IL6R: variants seen among roughly 807,000 people sequenced by gnomAD.
The protein encoded by IL6R is interleukin 6 receptor.
Under a neutral mutation model 48.3 loss-of-function variants are expected in IL6R, and 38 were observed. The observed-to-expected ratio is 0.79, with a 90% CI of 0.61 to 1.03. The LOEUF (loss-of-function observed/expected upper bound fraction) is 1.03. IL6R is among the 50% of genes least tolerant of loss of function. The pLI is 0.00. For synonymous variants in IL6R, 264 were observed against 256.2 expected (o/e 1.03, Z -0.29); for missense variants, 534 against 618.3 (o/e 0.86, Z 1.45).
intron 1 of IL6R, among the ~76,000 whole-genome samples, chr1:154,423,334 A>G (rs1421489273): frequency 6.8e-6 from 1 of 146,396 alleles, no homozygotes; most frequent in Non-Finnish European, 1.5e-5. Flanking sequence ...TTCAAAAACT[A>G]CAGAAAGACA....
At chr1:154,427,025 TCTC>T (rs1394262173) in intron 1 of IL6R, among the ~76,000 whole-genome samples, 3 of 152,078 alleles carry the variant, frequency 2.0e-5, no homozygotes, top group Non-Finnish European at 4.4e-5. Flanking sequence ...TTCAAGCAAT[TCTC>T]CTGCCTCAGC....
At chr1:154,450,172 C>T (rs1202085175) in intron 8 of IL6R, among the ~76,000 whole-genome samples, 192 bp downstream of exon 8, 2 of 150,026 alleles carry the variant, frequency 1.3e-5, no homozygotes, top group African/African-American at 4.9e-5. Context: ...GTTGCCCAGG[C>T]TGGAGTGCCG....
chr1:154,417,822 C>T (rs555543338), intron 1 of IL6R, among the ~76,000 whole-genome samples: 43 of 149,020 alleles, frequency 2.9e-4, no homozygotes, highest in Non-Finnish European at 4.9e-4. Context: ...CTCACTGCAA[C>T]CTTCCGGTTT....
At chr1:154,444,698 G>T (rs1373250757) in intron 6 of IL6R, among the ~76,000 whole-genome samples, 1 of 152,082 alleles carries the variant, frequency 6.6e-6, no homozygotes, top group Non-Finnish European at 1.5e-5. Flanking sequence ...AGGAGATAGA[G>T]ACCAGCCGGG....
intron 7 of IL6R, among the ~76,000 whole-genome samples, 167 bp downstream of exon 7, chr1:154,448,338 A>G (rs1690389235): frequency 6.6e-6 from 1 of 152,218 alleles, no homozygotes; most frequent in Non-Finnish European, 1.5e-5. Context: ...GAATCATAGA[A>G]ATTATCTTGT....
Position 154,405,555 on chromosome 1 carries a change from T to A in IL6R, c.-75T>A. On this transcript the variant is annotated 5_prime_UTR_variant, in exon 1 of 10. Coordinates refer to ENST00000368485, the MANE Select transcript of IL6R (RefSeq NM_000565.4). This position sits in a 1 kb window ranked among gnomAD's most constrained non-coding sequence, Gnocchi z 5.2. ...CCCGCCCACCGCCCCGCCCCGCCCC[T>A]GCCACCCCTGCCGCCCGGTTCCCAT... The A allele has an allele frequency of 2.1e-4, 8 of 38,302 alleles. No individual in the cohort carries two copies. The highest frequency in any genetic ancestry group is 3.8e-4 in the Non-Finnish European group (8 of 21,196). 2.4% of individuals were successfully genotyped at this position (38,302 alleles called of 1,614,324 possible).
chr1:154,438,853 A>G (rs1689779384), intron 6 of IL6R, among the ~76,000 whole-genome samples: 1 of 152,184 alleles, frequency 6.6e-6, no homozygotes, highest in South Asian at 2.1e-4. Context: ...TTCCTTGTTC[A>G]TCAAGGACAG....
chr1:154,410,427 ATT>A (rs1687955814), intron 1 of IL6R, among the ~76,000 whole-genome samples: 13 of 151,914 alleles, frequency 8.6e-5, no homozygotes, highest in Admixed American at 8.5e-4. Flanking sequence ...AATTTTTTGT[ATT>A]TCTTGTAGAG....
chr1:154,421,502 G>C (rs1000494457), intron 1 of IL6R, among the ~76,000 whole-genome samples: 1 of 152,314 alleles, frequency 6.6e-6, no homozygotes, highest in Non-Finnish European at 1.5e-5. Context: ...CCCCCTGCCT[G>C]TGGAGTCAGG....
rs1308165289 is a variant in IL6R, at chr1:154,405,532, C to A, written c.-98C>A. 2.4e-6 allele frequency: 1 copy of A among 412,046 alleles called. No homozygotes were observed. Among genetic ancestry groups the A allele is most frequent in the Non-Finnish European group, 4.4e-6 (1 of 228,794 alleles). The allele number at this position is 412,046 out of a possible 1,614,324, so 25.5% of individuals were successfully genotyped here. A position where few individuals can be genotyped will look rare whatever the true frequency, so the allele number is the denominator to read the frequency against. ...CCCCCGGGGCCTGAGCCCGCCTGCC[C>A]GCCCACCGCCCCGCCCCGCCCCTGC... On this transcript the variant is annotated 5_prime_UTR_variant, in exon 1 of 10. Coordinates refer to ENST00000368485, the MANE Select transcript of IL6R (RefSeq NM_000565.4). This position sits in a 1 kb window ranked among gnomAD's most constrained non-coding sequence, Gnocchi z 5.2.
intron 9 of IL6R, among the ~76,000 whole-genome samples, chr1:154,464,471 A>G (rs898976370): frequency 1.3e-5 from 2 of 151,766 alleles, no homozygotes; most frequent in Non-Finnish European, 2.9e-5. Flanking sequence ...TCTTTTTTTT[A>G]AGTAAATGGA....
intron 6 of IL6R, among the ~76,000 whole-genome samples, chr1:154,442,252 G>A (rs988137923): frequency 1.6e-4 from 24 of 152,208 alleles, no homozygotes; most frequent in African/African-American, 5.3e-4. Flanking sequence ...AAGGCCGTAA[G>A]CAGACTGTTC....
chr1:154,463,987 AT>A (rs1055011415), intron 9 of IL6R, among the ~76,000 whole-genome samples: 3 of 152,094 alleles, frequency 2.0e-5, no homozygotes, highest in Non-Finnish European at 4.4e-5. Context: ...GGTCAGCAAC[AT>A]TAGGAGCAAG....
intron 6 of IL6R, among the ~76,000 whole-genome samples, chr1:154,436,907 G>C (rs893563007): frequency 1.3e-5 from 2 of 152,224 alleles, no homozygotes; most frequent in Non-Finnish European, 2.9e-5. Context: ...TTACTCCCTA[G>C]AGAAAACCAG....
chr1:154,444,216 T>A (rs893323414), intron 6 of IL6R, among the ~76,000 whole-genome samples: 3 of 151,878 alleles, frequency 2.0e-5, no homozygotes, highest in Non-Finnish European at 4.4e-5. Context: ...AGCTTTTTTT[T>A]TTTTTTTTTG....
At chr1:154,447,452 A>T (rs373358169) in intron 6 of IL6R, among the ~76,000 whole-genome samples, 10,458 of 67,176 alleles carry the variant, frequency 0.16, 1,491 homozygotes, top group Non-Finnish European at 0.19. Context: ...AAAAAAAAAA[A>T]AAATATATAT....
rs1244586396 is a variant in IL6R, at chr1:154,414,531, G to C, written c.85+8817G>C. On this transcript the variant is annotated intron_variant, in intron 1 of 9. Coordinates refer to ENST00000368485, the MANE Select transcript of IL6R (RefSeq NM_000565.4). ...TTGGTGTAGTCGGTCATCTTTTTGG[G>C]TGTGTTGAAGAAGAGGATCTGGTGG... is the stretch of plus-strand genomic sequence containing the variant. 21 of 777,674 alleles carry C rather than the reference G, an allele frequency of 2.7e-5. No homozygotes were observed. The East Asian group carries it at 5.7e-4, about 21-fold the overall frequency. 48.2% of individuals were successfully genotyped at this position (777,674 alleles called of 1,614,324 possible). A position where few individuals can be genotyped will look rare whatever the true frequency, so the allele number is the denominator to read the frequency against.
intron 1 of IL6R, among the ~76,000 whole-genome samples, chr1:154,427,195 G>A (rs1281392140): frequency 6.6e-6 from 1 of 152,170 alleles, no homozygotes; most frequent in Non-Finnish European, 1.5e-5. Flanking sequence ...TGGGATTACA[G>A]GTGTGAGGCC....
At chr1:154,445,786 C>A (rs1344456685) in intron 6 of IL6R, among the ~76,000 whole-genome samples, 1 of 150,984 alleles carries the variant, frequency 6.6e-6, no homozygotes, top group Non-Finnish European at 1.5e-5. Flanking sequence ...GGTCCCATTT[C>A]CATGGTTCTG....
Sources: allele counts gnomAD v4.1 joint callset (sites outside exome capture counted in the v4.1 genomes callset), GRCh38; gene constraint gnomAD v4.1.1; non-coding constraint Gnocchi (gnomAD v3.1); transcripts MANE v1.5; gene names NCBI Gene and HGNC (gene_info 2026-07-23, HGNC 2026-07-21).